Variants in FHIP2B observed in about 807,000 individuals in gnomAD.
FHIP2B encodes FHF complex subunit HOOK interacting protein 2B, also known as FHF complex subunit HOOK-interacting protein 2B.
A neutral mutation model predicts 84.0 loss-of-function variants in FHIP2B; 72 were observed. The observed-to-expected ratio is 0.86, with a 90% CI of 0.71 to 1.04. FHIP2B has a LOEUF of 1.04. Ranked by LOEUF, FHIP2B falls within the 50% of genes least tolerant of loss-of-function variation. The probability of loss-of-function intolerance (pLI) is 0.00; values close to 1 mark genes in which losing one functional copy is unlikely to be tolerated. For missense variants in FHIP2B, 972 were observed against 968.9 expected (o/e 1.00, Z -0.04); for synonymous variants, 497 against 418.7 (o/e 1.19, Z -2.28).
Position 22,101,854 on chromosome 8 carries a change from A to C in FHIP2B, c.1851+3A>C, listed in dbSNP as rs767874492. On this transcript the variant is annotated splice_donor_region_variant and intron_variant, in intron 14 of 16. Transcript: ENST00000289921. Reference sequence around the variant, plus strand: ...GCATGTCCCGGATTCTGGATCAGGTAGCTAGTGGGCCTGGGCCAGGAGAAC... The same window carrying C: ...GCATGTCCCGGATTCTGGATCAGGTCGCTAGTGGGCCTGGGCCAGGAGAAC... 13 of 1,612,940 alleles carry C rather than the reference A, an allele frequency of 8.1e-6. No individual in the cohort carries two copies. The South Asian group carries it at 1.4e-4, about 18-fold the overall frequency.
Position 22,101,760 on chromosome 8 carries a change from C to T in FHIP2B, c.1760C>T (p.Thr587Ile), listed in dbSNP as rs371472937. 4 of 1,613,480 alleles carry T rather than the reference C, an allele frequency of 2.5e-6. No individual in the cohort carries two copies. Among genetic ancestry groups the T allele is most frequent in the East Asian group, 2.2e-5 (1 of 44,882 alleles). ...TCCTGGGGCTGGCCTCTGACCCCCA[C>T]ACCTTTGGACCCCCATGAGCCCGAG... ...VASWGWPLTP[T>I]PLDPHEPERP... The change falls in exon 14 of 17, where the codon ACA (threonine) becomes ATA (isoleucine). Residue 587 changes from threonine to isoleucine, a missense_variant. By Grantham distance (89) the Thr-to-Ile change is moderately conservative (BLOSUM62 -1). Coordinates refer to ENST00000289921, the MANE Select transcript of FHIP2B (RefSeq NM_022749.7).
chr8:22,099,501 C>G, intron 9 of FHIP2B, 141 bp downstream of exon 9: 1 of 1,111,600 alleles, frequency 9.0e-7, no homozygotes, highest in Non-Finnish European at 1.3e-6. Context: ...TTTGCCAGGC[C>G]TGCCCCATGA....
intron 1 of FHIP2B, among the ~76,000 whole-genome samples, chr8:22,091,157 A>G (rs1825470252): frequency 6.7e-6 from 1 of 150,128 alleles, no homozygotes; most frequent in Non-Finnish European, 1.5e-5. Context: ...GTGTGATCCT[A>G]GTAAGTCAAC....
chr8:22,096,650 G>C, intron 3 of FHIP2B, 141 bp downstream of exon 3: 1 of 1,217,876 alleles, frequency 8.2e-7, no homozygotes, highest in African/African-American at 1.5e-5. Context: ...TGAGGTGGGC[G>C]GTGGGCAGTG....
chr8:22,096,285 G>C, intron 2 of FHIP2B, 52 bp from the exon 3 acceptor site: 1 of 1,449,432 alleles, frequency 6.9e-7, no homozygotes. Flanking sequence ...AAGTTTTCAA[G>C]CCGGGGTGCC....
rs202006792 is a variant in FHIP2B at position 22,097,651 on chromosome 8, G to A, written c.402+31G>A. The stretch of plus-strand genomic sequence containing the variant: ...GGGCCCGGAAGCCAAGGGGTGTCTG[G>A]GTGTGAGGCCCCCTCTCTCCCCTGC... On this transcript the variant is annotated intron_variant, in intron 4 of 16. Transcript: ENST00000289921. 2.5e-6 allele frequency: 4 copies of A among 1,604,296 alleles called. No individual in the cohort carries two copies. The African/African-American group carries it at 5.3e-5, about 21-fold the overall frequency.
At chr8:22,098,002 G>A (rs1350832794) in intron 5 of FHIP2B, 66 bp from the exon 6 acceptor site, 55 of 1,529,752 alleles carry the variant, frequency 3.6e-5, no homozygotes, top group South Asian at 6.4e-5. Flanking sequence ...CCCACCCTGC[G>A]GTCCCAGTGG....
At chr8:22,100,067 T>A in intron 10 of FHIP2B, 174 bp downstream of exon 10, 1 of 250,770 alleles carries the variant, frequency 4.0e-6, no homozygotes, top group Non-Finnish European at 6.1e-6. Context: ...TCATATACTT[T>A]TTTTTTTTTT....
At chr8:22,098,742 C>A (rs1054011425) in intron 7 of FHIP2B, 123 bp downstream of exon 7, 11 of 1,121,168 alleles carry the variant, frequency 9.8e-6, no homozygotes, top group African/African-American at 1.6e-5. Flanking sequence ...ACCCTCTCCC[C>A]AAGGCTGCAG....
rs1826277382 is a variant in FHIP2B at position 22,104,160 on chromosome 8, C to T, written c.*1229C>T. ...CACATTCCTCCCCGCGGGGGAGGAC[C>T]TCGCCGCTCTGAAGAGCACCGTGCA... On this transcript the variant is annotated 3_prime_UTR_variant, in exon 17 of 17. Transcript: ENST00000289921. 6.6e-6 allele frequency: 1 copy of T among 152,374 alleles called. No homozygotes were observed. The highest frequency in any genetic ancestry group is 2.1e-4 in the South Asian group (1 of 4,832). The allele number at this position is 152,374 out of a possible 1,614,324, so 9.4% of individuals were successfully genotyped here.
Position 22,098,961 on chromosome 8 carries a change from C to T in FHIP2B, c.979C>T (p.Pro327Ser). The T allele has an allele frequency of 3.1e-6, 5 of 1,605,284 alleles. No homozygotes were observed. Residue 327 changes from proline (P) to serine (S), a missense_variant, in exon 8 of 17, where the codon CCG becomes TCG. Coordinates refer to ENST00000289921, the MANE Select transcript of FHIP2B (RefSeq NM_022749.7). Reference sequence around the variant, plus strand: ...CTCTTCCTTCAGGTTACCCAGTGCCCCGTCTGATGAGGCTTCCTTCCCTGG... The same window carrying T: ...CTCTTCCTTCAGGTTACCCAGTGCCTCGTCTGATGAGGCTTCCTTCCCTGG... Reference protein sequence around the residue: ...EGISWRLPSAPSDEASFPGKE... With the variant: ...EGISWRLPSASSDEASFPGKE...
In FHIP2B at chr8:22,098,118, G is replaced by T; in HGVS notation, c.576G>T (p.Leu192=). Reference sequence around the variant, plus strand: ...AAGCATGCGGAGAACCCACTGCCCTGCCTAAGGACACAACCAGCCACGGGG... The same window carrying T: ...AAGCATGCGGAGAACCCACTGCCCTTCCTAAGGACACAACCAGCCACGGGG... ...RKKACGEPTA[L]PKDTTSHGDK... Residue 192 remains leucine (L), a synonymous_variant, in exon 6 of 17, where the codon CTG becomes CTT. Transcript: ENST00000289921. The T allele has an allele frequency of 6.3e-7, 1 of 1,588,320 alleles. No individual in the cohort carries two copies. Among genetic ancestry groups the T allele is most frequent in the South Asian group, 1.1e-5 (1 of 87,380 alleles).
Position 22,101,725 on chromosome 8 carries a change from C to T in FHIP2B, c.1725C>T (p.Ser575=). Residue 575 remains serine, a synonymous_variant, in exon 14 of 17, where the codon TCC becomes TCT. Coordinates refer to ENST00000289921, the MANE Select transcript of FHIP2B (RefSeq NM_022749.7). ...DAYGLFQECS[S]RVASWGWPLT... Reference sequence around the variant, plus strand: ...TGTCTCAGTTCCAGGAGTGCAGCTCCCGCGTCGCCTCCTGGGGCTGGCCTC... The same window carrying T: ...TGTCTCAGTTCCAGGAGTGCAGCTCTCGCGTCGCCTCCTGGGGCTGGCCTC... 6.2e-7 allele frequency: 1 copy of T among 1,612,228 alleles called. No individual in the cohort carries two copies. The highest frequency in any genetic ancestry group is 8.5e-7 in the Non-Finnish European group (1 of 1,179,214).
In FHIP2B at chr8:22,099,334, G is replaced by A. The variant is rs901098829; in HGVS notation, c.1125G>A (p.Glu375=). Residue 375 remains glutamate, a synonymous_variant, in exon 9 of 17, where the codon GAG becomes GAA. Transcript: ENST00000289921. ...AKAVAENFFV[E]TLQPQLLHVS... is the part of the protein sequence containing the mutation. The stretch of plus-strand genomic sequence containing the variant: ...CTGTGGCTGAGAACTTCTTCGTGGA[G>A]ACCCTGCAGCCCCAGCTCCTGCACG... 6.2e-7 allele frequency: 1 copy of A among 1,613,758 alleles called. No homozygotes were observed. Among genetic ancestry groups the A allele is most frequent in the Non-Finnish European group, 8.5e-7 (1 of 1,179,822 alleles).
In FHIP2B at chr8:22,102,835, G is replaced by A. The variant is rs1432566019; in HGVS notation, c.2136G>A (p.Glu712=). The A allele has an allele frequency of 6.2e-7, 1 of 1,613,760 alleles. No individual in the cohort carries two copies. The highest frequency in any genetic ancestry group is 8.5e-7 in the Non-Finnish European group (1 of 1,179,852). The change falls in exon 17 of 17, where the codon GAG becomes GAA. Residue 712 remains glutamate (E), a synonymous_variant. Coordinates refer to ENST00000289921, the MANE Select transcript of FHIP2B (RefSeq NM_022749.7). ...QTLLQGVVVL[E]EFCKELAAIA... is the part of the protein sequence containing the mutation. ...TCCTCCAGGGCGTGGTGGTGCTGGA[G>A]GAGTTCTGCAAGGAGCTGGCTGCCA...
Position 22,098,070 on chromosome 8 carries a change from TA to T in FHIP2B, c.533del (p.Lys178ArgfsTer3). On this transcript the variant is annotated frameshift_variant, in exon 6 of 17. Transcript: ENST00000289921. LOFTEE classifies it high-confidence loss of function. ...GCCTCATCTCACCCTCTTTTCAGGG[TA>T]AAAAGATTGTAGGTAGGAAGAAAGC... ...PELLAYILEG[K>X]KIVGRKKACG... The T allele has an allele frequency of 6.3e-7, 1 of 1,589,882 alleles. No homozygotes were observed. Among genetic ancestry groups the T allele is most frequent in the Admixed American group, 1.8e-5 (1 of 56,132 alleles).
At position 22,098,456 on chromosome 8, in the gene FHIP2B, C is replaced by T; in HGVS notation, c.802C>T (p.Leu268=). Reference sequence around the variant, plus strand: ...GGTGGCCTTGAAGGCCCAGGAGAACCTGCTGCTCCTGGTGAGCATGGCCTC... The same window carrying T: ...GGTGGCCTTGAAGGCCCAGGAGAACTTGCTGCTCCTGGTGAGCATGGCCTC... The part of the protein sequence containing the change: ...SRVALKAQEN[L]LLLVSMASPA... Residue 268 remains leucine, a synonymous_variant, in exon 7 of 17, where the codon CTG becomes TTG. Coordinates refer to ENST00000289921, the MANE Select transcript of FHIP2B (RefSeq NM_022749.7). 1.2e-6 allele frequency: 2 copies of T among 1,606,414 alleles called. No homozygotes were observed. The highest frequency in any genetic ancestry group is 2.2e-5 in the South Asian group (2 of 90,672).
chr8:22,095,023 G>T (rs529854976), intron 2 of FHIP2B: 169 of 430,982 alleles, frequency 3.9e-4, no homozygotes, highest in African/African-American at 3.6e-3. Flanking sequence ...ACCCCAAAGA[G>T]CCAAAGCCTT....
In FHIP2B at chr8:22,103,115, G is replaced by A. The variant is rs978821103; in HGVS notation, c.*184G>A. 2.6e-6 allele frequency: 2 copies of A among 777,064 alleles called. No individual in the cohort carries two copies. Among genetic ancestry groups the A allele is most frequent in the Middle Eastern group, 2.4e-4 (1 of 4,206 alleles). 48.1% of individuals were successfully genotyped at this position (777,064 alleles called of 1,614,324 possible). A position where few individuals can be genotyped will look rare whatever the true frequency, so the allele number is the denominator to read the frequency against. On this transcript the variant is annotated 3_prime_UTR_variant, in exon 17 of 17. Coordinates refer to ENST00000289921, the MANE Select transcript of FHIP2B (RefSeq NM_022749.7). ...GGGAATGGGCATGCCAGGTGCCAAG[G>A]AGCCAAACAGATGGCTTTCCAGGCA...
Sources: allele counts gnomAD v4.1 joint callset (sites outside exome capture counted in the v4.1 genomes callset), GRCh38; gene constraint gnomAD v4.1.1; transcripts MANE v1.5; gene names NCBI Gene and HGNC (gene_info 2026-07-23, HGNC 2026-07-21).